RPTOR: variants seen among roughly 807,000 people sequenced by gnomAD.
The protein encoded by RPTOR is regulatory associated protein of MTOR complex 1, also known as regulatory-associated protein of mTOR.
A neutral mutation model predicts 169.9 loss-of-function variants in RPTOR; 21 were observed. The ratio of observed to expected loss-of-function variants is 0.12; its 90% CI spans 0.09 to 0.18. The LOEUF is 0.18. Ranked by LOEUF, RPTOR falls within the 10% of genes least tolerant of loss-of-function variation. RPTOR has a pLI of 1.00. For missense variants in RPTOR, 1,133 were observed against 1,855.9 expected, an observed-to-expected ratio of 0.61 and a Z score of 7.16; for synonymous variants, 732 against 753.2, an observed-to-expected ratio of 0.97 and a Z score of 0.46.
At chr17:80,817,253 C>T (rs1053706151) in intron 7 of RPTOR, among the ~76,000 whole-genome samples, 1 of 152,130 alleles carries the variant, frequency 6.6e-6, no homozygotes, top group Non-Finnish European at 1.5e-5. Flanking sequence ...AAATTCAAGC[C>T]CCCGTCTGTC....
rs543220951 is a variant in RPTOR, at chr17:80,659,416, C to T, written c.348+15606C>T. Among the ~76,000 whole-genome samples the T allele has an allele frequency of 6.6e-6, 1 of 152,190 alleles. No individual in the cohort carries two copies. The highest frequency in any genetic ancestry group is 1.5e-5 in the Non-Finnish European group (1 of 68,028). On this transcript the variant is annotated intron_variant, in intron 3 of 33. Transcript: ENST00000306801. This position sits in a 1 kb window ranked among gnomAD's most constrained non-coding sequence, Gnocchi z 4.3. ...GTGCAATCACGGGTCACCGCAGCCT[C>T]GACCTCCTGGGCTCAAGTGATCCTC...
chr17:80,604,999 A>G (rs946185782), intron 1 of RPTOR, among the ~76,000 whole-genome samples: 40 of 149,594 alleles, frequency 2.7e-4, no homozygotes, highest in African/African-American at 8.4e-4. Context: ...GGCTCATGTG[A>G]TCCTCTTGCC....
chr17:80,804,598 G>C (rs9893956), intron 7 of RPTOR: 31,260 of 152,284 alleles, frequency 0.21, 3,419 homozygotes, highest in African/African-American at 0.26. Flanking sequence ...GACAGCTCCA[G>C]GCCCACGCGA....
intron 1 of RPTOR, among the ~76,000 whole-genome samples, chr17:80,605,813 G>C (rs2065224762): frequency 6.6e-6 from 1 of 152,230 alleles, no homozygotes; most frequent in South Asian, 2.1e-4. Context: ...GCACGGACTA[G>C]CTGTGCAGTA....
chr17:80,735,397 T>TAG (rs2066426098), intron 5 of RPTOR, among the ~76,000 whole-genome samples: 1 of 152,236 alleles, frequency 6.6e-6, no homozygotes. Flanking sequence ...GTATATGTAT[T>TAG]GACTGAGTTG....
chr17:80,586,411 T>TG (rs1197870246), intron 1 of RPTOR, among the ~76,000 whole-genome samples: 2 of 152,152 alleles, frequency 1.3e-5, no homozygotes, highest in Non-Finnish European at 2.9e-5. Flanking sequence ...TCCAAAGATG[T>TG]GGGTGTCTGT....
At chr17:80,788,565 A>G (rs539516185) in intron 6 of RPTOR, among the ~76,000 whole-genome samples, 12 of 152,310 alleles carry the variant, frequency 7.9e-5, no homozygotes, top group African/African-American at 1.9e-4. Flanking sequence ...ATCCTGTGTT[A>G]ATCTGGTTCT....
intron 1 of RPTOR, among the ~76,000 whole-genome samples, chr17:80,611,088 A>G (rs367779782): frequency 8.5e-5 from 13 of 152,200 alleles, no homozygotes; most frequent in African/African-American, 1.2e-4. Context: ...ATTGCCTCCA[A>G]ATCTTTATTT....
rs373254420 is a variant in RPTOR at position 80,785,679 on chromosome 17, T to TC, written c.831-5766dup. On this transcript the variant is annotated intron_variant, in intron 6 of 33. Transcript: ENST00000306801. ...GGAATGTTTTGTGGCCCGAGTGCTTTCCCCCGGCCCCTTGACTCTGACTGA... is the reference window on the plus strand; with the variant it reads ...GGAATGTTTTGTGGCCCGAGTGCTTTCCCCCCGGCCCCTTGACTCTGACTGA... 5.8e-3 allele frequency among the ~76,000 whole-genome samples: 872 copies of TC among 151,336 alleles called. 14 individuals are homozygous for TC. Among genetic ancestry groups the TC allele is most frequent in the African/African-American group, 0.021 (842 of 40,664 alleles).
chr17:80,839,535 A>G lies in RPTOR; in HGVS notation c.1212+1538A>G, dbSNP rs558243666. ...GCATCAACACTGGGCTTCTAGACAA[A>G]GGCCTTCCCTCCCTTCCTGCTGGAC... is the stretch of plus-strand genomic sequence containing the variant. On this transcript the variant is annotated intron_variant, in intron 10 of 33. Transcript: ENST00000306801. Among the ~76,000 whole-genome samples the G allele has an allele frequency of 4.1e-4, 60 of 147,140 alleles. 1 individual carries two copies. The South Asian group carries it at 0.012, about 31-fold the overall frequency.
chr17:80,667,443 G>A lies in RPTOR; in HGVS notation c.348+23633G>A, dbSNP rs542248675. Reference sequence around the variant, plus strand: ...GTGGATACAGAATAAGGACTTGATCGCCTTCCTTGCTGACAAGTGCATCGT... The same window carrying A: ...GTGGATACAGAATAAGGACTTGATCACCTTCCTTGCTGACAAGTGCATCGT... On this transcript the variant is annotated intron_variant, in intron 3 of 33. Transcript: ENST00000306801. Among the ~76,000 whole-genome samples, 6 of 152,290 alleles carry A rather than the reference G, an allele frequency of 3.9e-5. No individual in the cohort carries two copies. The South Asian group carries it at 1.0e-3, about 26-fold the overall frequency.
intron 1 of RPTOR, among the ~76,000 whole-genome samples, chr17:80,597,796 G>C (rs1035256670): frequency 1.3e-5 from 2 of 151,992 alleles, no homozygotes; most frequent in African/African-American, 4.8e-5. Context: ...TTACAGGTGT[G>C]AGATGCTGTG....
intron 11 of RPTOR, among the ~76,000 whole-genome samples, chr17:80,850,367 A>G (rs1285393811): frequency 6.6e-6 from 1 of 152,202 alleles, no homozygotes; most frequent in Non-Finnish European, 1.5e-5. Flanking sequence ...TGTTTCACCC[A>G]TGTTGATGCA....
chr17:80,812,733 A>C (rs2067285824), intron 7 of RPTOR, among the ~76,000 whole-genome samples: 1 of 152,104 alleles, frequency 6.6e-6, no homozygotes, highest in Non-Finnish European at 1.5e-5. Context: ...GAACATACAC[A>C]CAGCCTTTCT....
At chr17:80,554,891 T>C (rs1349126044) in intron 1 of RPTOR, among the ~76,000 whole-genome samples, 1 of 152,216 alleles carries the variant, frequency 6.6e-6, no homozygotes, top group African/African-American at 2.4e-5. Context: ...CTGACAATTT[T>C]TGAAAATATA....
At chr17:80,616,769 A>T (rs2065314401) in intron 1 of RPTOR, among the ~76,000 whole-genome samples, 3 of 152,118 alleles carry the variant, frequency 2.0e-5, no homozygotes, top group Admixed American at 2.0e-4. Flanking sequence ...TGGAGAAAAA[A>T]AAAATATTAG....
chr17:80,851,884 A>G (rs1598353280), intron 11 of RPTOR, among the ~76,000 whole-genome samples: 1 of 152,278 alleles, frequency 6.6e-6, no homozygotes, highest in African/African-American at 2.4e-5. Context: ...CCTTAGAAAC[A>G]GCCTTGTCCT....
At chr17:80,961,681 C>T in intron 31 of RPTOR, 1 of 602,352 alleles carries the variant, frequency 1.7e-6, no homozygotes, top group South Asian at 2.2e-5. Context: ...TGCTGGGGGA[C>T]ACCTGACCTG....
At chr17:80,572,032 TATCTC>T (rs2064911962) in intron 1 of RPTOR, among the ~76,000 whole-genome samples, 1 of 152,280 alleles carries the variant, frequency 6.6e-6, no homozygotes, top group Non-Finnish European at 1.5e-5. Flanking sequence ...TTCTATGTAA[TATCTC>T]ATTTCATGTG....
Sources: allele counts gnomAD v4.1 joint callset (sites outside exome capture counted in the v4.1 genomes callset), GRCh38; gene constraint gnomAD v4.1.1; non-coding constraint Gnocchi (gnomAD v3.1); transcripts MANE v1.5; gene names NCBI Gene and HGNC (gene_info 2026-07-23, HGNC 2026-07-21).